The following SGCD variants were observed in gnomAD, a reference collection of about 807,000 sequenced individuals.
SGCD encodes delta-sarcoglycan.
In SGCD, 18 loss-of-function variants were observed where a neutral mutation model predicts 36.6. That is an observed-to-expected ratio of 0.49 (90% CI 0.34 to 0.73). The LOEUF (loss-of-function observed/expected upper bound fraction) is 0.73, where lower values mean the gene tolerates loss of function less well. Among genes scored for constraint, SGCD ranks in the 30% least tolerant of loss-of-function variants. The pLI, the probability that SGCD is intolerant of heterozygous loss-of-function variation, is 0.01. For missense variants in SGCD, 387 were observed against 346.7 expected, an observed-to-expected ratio of 1.12 and a Z score of -0.92; for synonymous variants, 133 against 130.6, an observed-to-expected ratio of 1.02 and a Z score of -0.12.
chr5:156,163,401 A>T (rs1052839811), intron 3 of SGCD, among the ~76,000 whole-genome samples: 2 of 151,474 alleles, frequency 1.3e-5, no homozygotes, highest in Non-Finnish European at 2.9e-5. Context: ...CATGACTCTG[A>T]TGTACTTTGT....
At chr5:156,126,978 C>T (rs1423589161) in intron 3 of SGCD, among the ~76,000 whole-genome samples, 1 of 152,112 alleles carries the variant, frequency 6.6e-6, no homozygotes, top group Non-Finnish European at 1.5e-5. Flanking sequence ...CTAGATAATT[C>T]ATGTGCTTTG....
intron 3 of SGCD, among the ~76,000 whole-genome samples, chr5:156,503,888 G>A (rs1171220455): frequency 6.6e-6 from 1 of 151,900 alleles, no homozygotes; most frequent in Non-Finnish European, 1.5e-5. Context: ...TACTATTGGT[G>A]TTTCTAGAAG....
chr5:155,865,655 G>C (rs965301557), upstream of SGCD, among the ~76,000 whole-genome samples: 1 of 152,086 alleles, frequency 6.6e-6, no homozygotes, highest in Non-Finnish European at 1.5e-5. Context: ...TTGGTCATTT[G>C]GAAAATGCTG....
At chr5:155,789,674 C>T in the SGCD span, among the ~76,000 whole-genome samples, 2 of 152,020 alleles carry the variant, frequency 1.3e-5, no homozygotes, top group Non-Finnish European at 2.9e-5. Flanking sequence ...AATAGTGATT[C>T]TTGCATTTAC....
At chr5:156,188,677 G>C (rs7727400) in intron 3 of SGCD, among the ~76,000 whole-genome samples, 40,224 of 118,828 alleles carry the variant, frequency 0.34, 6,123 homozygotes, top group Non-Finnish European at 0.38. Context: ...CGCCCCCCCC[G>C]ACACACATAC....
intron 4 of SGCD, among the ~76,000 whole-genome samples, chr5:156,572,024 T>G (rs1273781625): frequency 2.6e-5 from 4 of 152,236 alleles, no homozygotes; most frequent in Admixed American, 6.5e-5. Flanking sequence ...TGTGTATAGT[T>G]CCTTTGACTT....
chr5:156,426,768 C>T (rs1441198621), intron 3 of SGCD, among the ~76,000 whole-genome samples: 1 of 152,048 alleles, frequency 6.6e-6, no homozygotes, highest in Non-Finnish European at 1.5e-5. Flanking sequence ...CCAGTTCATT[C>T]TTCTACTTGT....
intron 3 of SGCD, among the ~76,000 whole-genome samples, chr5:156,369,762 T>A (rs1460970193): frequency 6.6e-6 from 1 of 152,198 alleles, no homozygotes; most frequent in Non-Finnish European, 1.5e-5. Flanking sequence ...GGGATTTTTT[T>A]AATAGACATT....
chr5:156,361,396 A>T (rs1355113972), intron 3 of SGCD, among the ~76,000 whole-genome samples: 1 of 152,196 alleles, frequency 6.6e-6, no homozygotes, highest in Non-Finnish European at 1.5e-5. Context: ...TGATCTAGAC[A>T]ATTATTGGCA....
chr5:156,196,745 T>C (rs1284401958), intron 3 of SGCD, among the ~76,000 whole-genome samples: 6 of 152,180 alleles, frequency 3.9e-5, no homozygotes, highest in Non-Finnish European at 7.3e-5. Context: ...TCTAGAAATA[T>C]ATTATTAAAG....
At chr5:156,362,180 C>G (rs1769832400) in intron 3 of SGCD, among the ~76,000 whole-genome samples, 1 of 152,194 alleles carries the variant, frequency 6.6e-6, no homozygotes, top group Non-Finnish European at 1.5e-5. Flanking sequence ...ACTTGAGTCT[C>G]CACACTGCAC....
chr5:156,463,892 G>A (rs761148250), intron 3 of SGCD, among the ~76,000 whole-genome samples: 7 of 152,080 alleles, frequency 4.6e-5, no homozygotes, highest in Non-Finnish European at 7.4e-5. Flanking sequence ...GGAGGTTGAG[G>A]CTATAGTGAG....
At chr5:156,214,524 T>C (rs1764526239) in intron 3 of SGCD, among the ~76,000 whole-genome samples, 1 of 152,060 alleles carries the variant, frequency 6.6e-6, no homozygotes, top group African/African-American at 2.4e-5. Context: ...AAAATGTTCA[T>C]ATTACACAAG....
chr5:156,227,454 G>A (rs774159172), intron 3 of SGCD, among the ~76,000 whole-genome samples: 4 of 152,042 alleles, frequency 2.6e-5, no homozygotes, highest in Non-Finnish European at 5.9e-5. Context: ...TGTTATATTG[G>A]TCTATGTGCC....
the SGCD span, among the ~76,000 whole-genome samples, chr5:155,820,751 T>C: frequency 3.9e-5 from 6 of 152,250 alleles, no homozygotes; most frequent in East Asian, 3.9e-4. Context: ...TTGTGACTTA[T>C]TAACTGCCCT....
intron 6 of SGCD, among the ~76,000 whole-genome samples, chr5:156,595,323 A>G (rs1760883427): frequency 6.6e-6 from 1 of 152,114 alleles, no homozygotes; most frequent in African/African-American, 2.4e-5. Flanking sequence ...AGCAGTCTGC[A>G]ACCTGGAATA....
At chr5:156,540,079 G>A (rs576845912) in intron 4 of SGCD, among the ~76,000 whole-genome samples, 2 of 152,226 alleles carry the variant, frequency 1.3e-5, no homozygotes. Context: ...AAAGAAACAG[G>A]TTCTGAGAGG....
chr5:156,295,371 GT>G (rs1766867497), intron 3 of SGCD, among the ~76,000 whole-genome samples: 1 of 152,086 alleles, frequency 6.6e-6, no homozygotes, highest in African/African-American at 2.4e-5. Flanking sequence ...TTGCTGAAGA[GT>G]TGTCAATTTT....
chr5:156,292,995 G>T (rs1215902212), intron 3 of SGCD, among the ~76,000 whole-genome samples: 2 of 151,842 alleles, frequency 1.3e-5, no homozygotes, highest in African/African-American at 4.8e-5. Flanking sequence ...TCTATATTCT[G>T]AATATTAATC....
Sources: gnomAD v4.1 joint callset for allele counts (sites outside exome capture counted in the v4.1 genomes callset) on GRCh38, gnomAD v4.1.1 for gene constraint, MANE v1.5 for transcripts, NCBI Gene and HGNC (gene_info 2026-07-23, HGNC 2026-07-21) for gene names.